Variants in GRIK2 observed in about 807,000 individuals in gnomAD.
GRIK2 encodes glutamate ionotropic receptor kainate type subunit 2.
Under a neutral mutation model 100.3 loss-of-function variants are expected in GRIK2, and 32 were observed. That is an observed-to-expected ratio of 0.32 (90% confidence interval 0.24 to 0.43). The LOEUF (loss-of-function observed/expected upper bound fraction) is 0.43. Ranked by LOEUF, GRIK2 falls within the 20% of genes least tolerant of loss-of-function variation. GRIK2 has a pLI of 1.00. For synonymous variants in GRIK2, 417 were observed against 389.4 expected, an observed-to-expected ratio of 1.07 and a Z score of -0.83; for missense variants, 843 against 1,114.9, an observed-to-expected ratio of 0.76 and a Z score of 3.47.
chr6:101,714,246 C>A (rs1773912765), intron 7 of GRIK2, among the ~76,000 whole-genome samples: 1 of 151,512 alleles, frequency 6.6e-6, no homozygotes, highest in Admixed American at 6.6e-5. Context: ...AAATGTAAAT[C>A]ATATGTTCAA....
intron 2 of GRIK2, among the ~76,000 whole-genome samples, chr6:101,566,605 C>A (rs1777288766): frequency 6.6e-6 from 1 of 151,514 alleles, no homozygotes; most frequent in African/African-American, 2.4e-5. Flanking sequence ...ATGTATCTTT[C>A]CATAGTATAT....
chr6:101,706,227 A>T (rs148486196), intron 7 of GRIK2, among the ~76,000 whole-genome samples: 1 of 151,926 alleles, frequency 6.6e-6, no homozygotes, highest in Non-Finnish European at 1.5e-5. Context: ...TGCTATATAC[A>T]TGATAGTTTA....
At chr6:101,550,824 A>G (rs1366003525) in intron 2 of GRIK2, among the ~76,000 whole-genome samples, 1 of 152,206 alleles carries the variant, frequency 6.6e-6, no homozygotes, top group Non-Finnish European at 1.5e-5. Context: ...GAGAATACCC[A>G]TCTGCCACTA....
intron 10 of GRIK2, among the ~76,000 whole-genome samples, chr6:101,819,992 T>C (rs1345361845): frequency 2.0e-5 from 3 of 152,182 alleles, no homozygotes; most frequent in Non-Finnish European, 4.4e-5. Flanking sequence ...TCCTCTATGG[T>C]CTTACTCTCT....
At chr6:101,449,999 A>AT (rs1483612968) in intron 2 of GRIK2, among the ~76,000 whole-genome samples, 2 of 151,806 alleles carry the variant, frequency 1.3e-5, no homozygotes, top group East Asian at 1.9e-4. Context: ...CTCTTTGTTC[A>AT]TTTTTTGTTC....
chr6:101,930,342 CAA>C (rs370301977), intron 14 of GRIK2, among the ~76,000 whole-genome samples: 1 of 146,264 alleles, frequency 6.8e-6, no homozygotes, highest in African/African-American at 2.5e-5. Context: ...AATCCTGTCT[CAA>C]AAAAAAAAAA....
intron 4 of GRIK2, among the ~76,000 whole-genome samples, chr6:101,646,071 T>C (rs1781513093): frequency 6.6e-6 from 1 of 151,496 alleles, no homozygotes; most frequent in South Asian, 2.1e-4. Context: ...CATAAGACTT[T>C]TCTCTCCCCA....
chr6:101,975,773 G>GTCTA (rs1156905146), intron 14 of GRIK2, among the ~76,000 whole-genome samples: 1 of 146,660 alleles, frequency 6.8e-6, no homozygotes, highest in African/African-American at 2.6e-5. Flanking sequence ...TTATCTATGT[G>GTCTA]TCTATCTGTC....
chr6:101,594,292 CA>C, intron 2 of GRIK2, among the ~76,000 whole-genome samples: 1 of 151,850 alleles, frequency 6.6e-6, no homozygotes, highest in African/African-American at 2.4e-5. Flanking sequence ...AATTTTCTTT[CA>C]GAGAGTAAAT....
At chr6:102,014,710 G>T (rs1197980578) in intron 14 of GRIK2, among the ~76,000 whole-genome samples, 3 of 152,090 alleles carry the variant, frequency 2.0e-5, no homozygotes, top group African/African-American at 7.2e-5. Flanking sequence ...TCATTCAGGA[G>T]CATGTTGTTT....
chr6:102,037,497 A>T (rs1770333240), intron 15 of GRIK2, among the ~76,000 whole-genome samples: 1 of 151,278 alleles, frequency 6.6e-6, no homozygotes, highest in African/African-American at 2.4e-5. Context: ...ATGATACTGG[A>T]TGCCACTGTT....
intron 4 of GRIK2, among the ~76,000 whole-genome samples, chr6:101,664,416 A>G (rs1769859542): frequency 6.6e-6 from 1 of 152,228 alleles, no homozygotes; most frequent in African/African-American, 2.4e-5. Flanking sequence ...TTGAGATGCA[A>G]GCAAATTTTA....
intron 4 of GRIK2, among the ~76,000 whole-genome samples, chr6:101,661,214 T>G: frequency 6.6e-6 from 1 of 152,140 alleles, no homozygotes; most frequent in African/African-American, 2.4e-5. Context: ...CCACTGTGGC[T>G]TTGCTGAGCT....
At chr6:101,835,581 A>G (rs1215312965) in intron 10 of GRIK2, among the ~76,000 whole-genome samples, 2 of 142,714 alleles carry the variant, frequency 1.4e-5, no homozygotes, top group Non-Finnish European at 3.0e-5. Context: ...AGTGATTCTC[A>G]TGCCTCAGCC....
chr6:101,954,232 T>C (rs1386415234), intron 14 of GRIK2, among the ~76,000 whole-genome samples: 2 of 152,134 alleles, frequency 1.3e-5, no homozygotes, highest in Non-Finnish European at 2.9e-5. Flanking sequence ...CCTGCATCTA[T>C]AAGAATTTTG....
intron 14 of GRIK2, among the ~76,000 whole-genome samples, chr6:102,009,639 T>C (rs551558105): frequency 6.6e-5 from 10 of 152,292 alleles, no homozygotes; most frequent in Non-Finnish European, 1.0e-4. Flanking sequence ...ACAAAAAGTC[T>C]TTGATACTCT....
At chr6:101,645,644 T>C (rs1394125222) in intron 4 of GRIK2, among the ~76,000 whole-genome samples, 1 of 151,944 alleles carries the variant, frequency 6.6e-6, no homozygotes, top group Non-Finnish European at 1.5e-5. Context: ...TGTATGCCAT[T>C]TGTCATTTTC....
At chr6:101,794,397 C>A (rs991937431) in intron 7 of GRIK2, among the ~76,000 whole-genome samples, 33 of 152,008 alleles carry the variant, frequency 2.2e-4, no homozygotes, top group African/African-American at 8.0e-4. Flanking sequence ...ATAGTTGGGT[C>A]ATTAAAAAAA....
At chr6:102,016,515 A>G (rs1286417380) in intron 14 of GRIK2, among the ~76,000 whole-genome samples, 1 of 151,524 alleles carries the variant, frequency 6.6e-6, no homozygotes, top group Non-Finnish European at 1.5e-5. Context: ...TGTACCCTAA[A>G]ACTTAAAGTA....
Sources: gnomAD v4.1 joint callset for allele counts (sites outside exome capture counted in the v4.1 genomes callset) on GRCh38, gnomAD v4.1.1 for gene constraint, MANE v1.5 for transcripts, NCBI Gene and HGNC (gene_info 2026-07-23, HGNC 2026-07-21) for gene names.